KCNH5: variants seen among roughly 807,000 people sequenced by gnomAD.
KCNH5 encodes potassium voltage-gated channel subfamily H member 5.
In KCNH5, 46 loss-of-function variants were observed where a neutral mutation model predicts 96.1. The observed-to-expected ratio is 0.48, with a 90% CI of 0.38 to 0.61. The LOEUF is 0.61. Among genes scored for constraint, KCNH5 ranks in the 20% least tolerant of loss-of-function variants. The probability of loss-of-function intolerance (pLI) is 0.00; values close to 1 mark genes in which losing one functional copy is unlikely to be tolerated. For missense variants in KCNH5, 907 were observed against 1,225.8 expected, an observed-to-expected ratio of 0.74 and a Z score of 3.88; for synonymous variants, 439 against 449.8, an observed-to-expected ratio of 0.98 and a Z score of 0.30.
chr14:62,845,713 A>G (rs931268123), intron 8 of KCNH5, among the ~76,000 whole-genome samples: 1 of 152,020 alleles, frequency 6.6e-6, no homozygotes, highest in African/African-American at 2.4e-5. Flanking sequence ...AGCAACTGAA[A>G]GGTAGTGTTT....
intron 10 of KCNH5, among the ~76,000 whole-genome samples, chr14:62,775,725 C>A (rs781147123): frequency 2.6e-5 from 4 of 152,172 alleles, no homozygotes; most frequent in African/African-American, 4.8e-5. Context: ...TATTCATATG[C>A]CCACTGTTGT....
intron 8 of KCNH5, among the ~76,000 whole-genome samples, chr14:62,833,809 G>C (rs1266711069): frequency 2.0e-5 from 3 of 151,934 alleles, no homozygotes; most frequent in Non-Finnish European, 4.4e-5. Context: ...AAATTTGCCT[G>C]TCTTTATCAT....
At chr14:62,847,460 G>A (rs1887722980) in intron 8 of KCNH5, among the ~76,000 whole-genome samples, 1 of 151,970 alleles carries the variant, frequency 6.6e-6, no homozygotes, top group Non-Finnish European at 1.5e-5. Context: ...TCTGGGTAGG[G>A]ATTTTCTTAA....
In KCNH5 at chr14:62,708,226, G is replaced by A. The variant is rs1359517285; in HGVS notation, c.2249C>T (p.Thr750Ile). The change falls in exon 11 of 11, where the codon ACC becomes ATC. Residue 750 changes from threonine (T) to isoleucine (I), a missense_variant. Transcript: ENST00000322893. ...SLQNGASITG[T>I]SVVTVSQITP... Reference sequence around the variant, plus strand: ...AATCTGTGACACAGTCACCACGCTGGTTCCGGTGATGGAGGCTCCATTCTG... The same window carrying A: ...AATCTGTGACACAGTCACCACGCTGATTCCGGTGATGGAGGCTCCATTCTG... The A allele has an allele frequency of 1.9e-6, 3 of 1,614,206 alleles. No individual in the cohort carries two copies. The Admixed American group carries it at 5.0e-5, about 27-fold the overall frequency.
chr14:62,743,013 G>A (rs555383692), intron 10 of KCNH5, among the ~76,000 whole-genome samples: 74 of 152,226 alleles, frequency 4.9e-4, no homozygotes, highest in African/African-American at 1.7e-3. Flanking sequence ...GACCAGTTTT[G>A]GTCCCTCTCT....
At chr14:63,005,027 C>G (rs1239148651) in intron 3 of KCNH5, among the ~76,000 whole-genome samples, 1 of 152,076 alleles carries the variant, frequency 6.6e-6, no homozygotes, top group East Asian at 1.9e-4. Context: ...TTTTGGTATA[C>G]AGGTCTCCTA....
intron 10 of KCNH5, among the ~76,000 whole-genome samples, chr14:62,771,440 C>T (rs1044489060): frequency 2.0e-5 from 3 of 152,130 alleles, no homozygotes; most frequent in Admixed American, 6.5e-5. Context: ...TCCTGGCTAA[C>T]ATGGTGAAAC....
intron 7 of KCNH5, among the ~76,000 whole-genome samples, chr14:62,887,547 A>T (rs1888621621): frequency 6.6e-6 from 1 of 152,126 alleles, no homozygotes; most frequent in Non-Finnish European, 1.5e-5. Context: ...CACAGTACTG[A>T]ACACACTAGA....
At chr14:62,709,232 C>CA (rs67304113) in intron 10 of KCNH5, among the ~76,000 whole-genome samples, 1,136 of 71,526 alleles carry the variant, frequency 0.016, 38 homozygotes, top group African/African-American at 0.042. Flanking sequence ...GACTCCTTCT[C>CA]AAAAAAAAAA....
At chr14:62,896,248 A>C (rs181323584) in intron 7 of KCNH5, among the ~76,000 whole-genome samples, 1 of 152,342 alleles carries the variant, frequency 6.6e-6, no homozygotes, top group East Asian at 1.9e-4. Context: ...AGCTAAGCCT[A>C]TGAATCAACC....
chr14:62,770,887 C>G (rs1885971343), intron 10 of KCNH5, among the ~76,000 whole-genome samples: 1 of 152,174 alleles, frequency 6.6e-6, no homozygotes, highest in African/African-American at 2.4e-5. Flanking sequence ...ATGTCTCCCA[C>G]CCGCAAATTC....
intron 10 of KCNH5, among the ~76,000 whole-genome samples, chr14:62,745,469 T>C (rs541060764): frequency 2.0e-4 from 31 of 152,274 alleles, no homozygotes; most frequent in Admixed American, 1.3e-3. Context: ...AACACTAAAT[T>C]TATCAACTCT....
chr14:63,031,758 CCA>C (rs1245822148), intron 1 of KCNH5, among the ~76,000 whole-genome samples: 2 of 152,040 alleles, frequency 1.3e-5, no homozygotes, highest in African/African-American at 4.8e-5. Flanking sequence ...TTAGCTCTTA[CCA>C]CACACATACA....
intron 9 of KCNH5, among the ~76,000 whole-genome samples, chr14:62,788,725 T>C (rs750314787): frequency 2.0e-5 from 3 of 152,150 alleles, no homozygotes; most frequent in Non-Finnish European, 4.4e-5. Flanking sequence ...GGCAGGACTG[T>C]CCACCAGCAA....
intron 8 of KCNH5, among the ~76,000 whole-genome samples, chr14:62,832,154 C>T (rs1008003736): frequency 2.0e-5 from 3 of 152,056 alleles, no homozygotes; most frequent in African/African-American, 7.3e-5. Flanking sequence ...GAATGTTTAA[C>T]ATGAAATTTA....
In KCNH5 at chr14:62,779,812, G is replaced by A. The variant is rs377008686; in HGVS notation, c.1935C>T (p.Ala645=). Residue 645 remains alanine (A), a synonymous_variant, in exon 10 of 11, where the codon GCC becomes GCT. Transcript: ENST00000322893. ...YCDLHIIKRE[A]LLKVLDFYTA... ...TATAAAAGTCCAGGACTTTGAGCAA[G>A]GCTTCCCGCTTGATGATGTGTAGGT... 3 of 1,614,018 alleles carry A rather than the reference G, an allele frequency of 1.9e-6. No homozygotes were observed. Among genetic ancestry groups the A allele is most frequent in the Middle Eastern group, 1.7e-4 (1 of 6,058 alleles).
At chr14:62,947,047 C>T (rs1289309995) in intron 7 of KCNH5, among the ~76,000 whole-genome samples, 6 of 152,052 alleles carry the variant, frequency 3.9e-5, no homozygotes, top group Non-Finnish European at 1.5e-5. Flanking sequence ...GCTATACACA[C>T]ACATTATATC....
intron 7 of KCNH5, among the ~76,000 whole-genome samples, chr14:62,933,423 T>C (rs140283738): frequency 2.0e-5 from 3 of 151,902 alleles, no homozygotes; most frequent in South Asian, 2.1e-4. Context: ...ATTTAGAAAA[T>C]TGGAAAATGC....
intron 8 of KCNH5, among the ~76,000 whole-genome samples, chr14:62,818,096 C>A (rs1887030182): frequency 2.8e-5 from 1 of 36,072 alleles, no homozygotes; most frequent in Non-Finnish European, 5.8e-5. Flanking sequence ...GGGTGGCTAC[C>A]AGGAGCTGGG....
Sources: allele counts gnomAD v4.1 joint callset (sites outside exome capture counted in the v4.1 genomes callset), GRCh38; gene constraint gnomAD v4.1.1; transcripts MANE v1.5; gene names NCBI Gene and HGNC (gene_info 2026-07-23, HGNC 2026-07-21).